Variants in STAG1 observed in about 807,000 individuals in gnomAD.
The protein encoded by STAG1 is STAG1 cohesin complex component, also known as cohesin subunit SA-1.
Under a neutral mutation model 170.9 loss-of-function variants are expected in STAG1, and 26 were observed. That is an observed-to-expected ratio of 0.15 (90% CI 0.11 to 0.21). The LOEUF is 0.21. Ranked by LOEUF, STAG1 falls within the 10% of genes least tolerant of loss-of-function variation. The pLI is 1.00. For synonymous variants in STAG1, 514 were observed against 497.7 expected (o/e 1.03, Z -0.44); for missense variants, 964 against 1,509.5 (o/e 0.64, Z 5.99).
intron 1 of STAG1, chr3:136,721,495 CTCT>C (rs1483348073): frequency 6.6e-6 from 1 of 152,146 alleles, no homozygotes; most frequent in Non-Finnish European, 1.5e-5. Context: ...AAAGTGAGCA[CTCT>C]TTTTACATTA....
At chr3:136,720,921 T>C (rs911602393) in intron 1 of STAG1, among the ~76,000 whole-genome samples, 1 of 152,246 alleles carries the variant, frequency 6.6e-6, no homozygotes, top group Non-Finnish European at 1.5e-5. Context: ...CTAGCCAATA[T>C]GCTCTGAGAT....
rs1256373532 is a variant in STAG1 at position 136,498,694 on chromosome 3, T to TA, written c.902+1528dup. ...GAATTAGACCTCCATAAAGTTGCAG[T>TA]AAAAAAAAAAAAACAAAGACTGCAT... is the stretch of plus-strand genomic sequence containing the variant. On this transcript the variant is annotated intron_variant, in intron 9 of 33. Transcript: ENST00000383202. 8.9e-3 allele frequency among the ~76,000 whole-genome samples: 1,219 copies of TA among 137,554 alleles called. 8 individuals are homozygous for TA. The highest frequency in any genetic ancestry group is 0.026 in the East Asian group (124 of 4,850). 90.2% of individuals were successfully genotyped at this position (137,554 alleles called of 152,430 possible). A position where few individuals can be genotyped will look rare whatever the true frequency, so the allele number is the denominator to read the frequency against.
chr3:136,558,289 G>A (rs905862040), intron 5 of STAG1, among the ~76,000 whole-genome samples: 1 of 152,162 alleles, frequency 6.6e-6, no homozygotes, highest in Admixed American at 6.5e-5. Context: ...CTACTAGGGG[G>A]GCTGAAACAG....
chr3:136,647,612 GA>G, intron 1 of STAG1, among the ~76,000 whole-genome samples: 1 of 151,990 alleles, frequency 6.6e-6, no homozygotes, highest in East Asian at 1.9e-4. Context: ...AAAAAATAAG[GA>G]AAAAAAGATA....
At chr3:136,369,344 A>C in intron 23 of STAG1, 62 bp from the exon 24 acceptor site, 1 of 1,340,456 alleles carries the variant, frequency 7.5e-7, no homozygotes, top group Admixed American at 2.8e-5. Flanking sequence ...AGTCAACATT[A>C]ATGAAAATGT....
intron 1 of STAG1, among the ~76,000 whole-genome samples, chr3:136,679,053 T>G (rs1942244685): frequency 6.7e-6 from 1 of 149,638 alleles, no homozygotes; most frequent in Non-Finnish European, 1.5e-5. Flanking sequence ...AACTTATGCC[T>G]GCCCAAGAAA....
chr3:136,510,406 C>T (rs959644057), intron 7 of STAG1, among the ~76,000 whole-genome samples: 1 of 152,030 alleles, frequency 6.6e-6, no homozygotes, highest in Admixed American at 6.5e-5. Flanking sequence ...TCTCGTGCCT[C>T]AGCCTCCCTA....
chr3:136,617,012 A>C (rs1402225444), intron 3 of STAG1, among the ~76,000 whole-genome samples: 1 of 152,244 alleles, frequency 6.6e-6, no homozygotes, highest in African/African-American at 2.4e-5. Context: ...CTTTCAAAAC[A>C]AACAGCATAT....
At chr3:136,533,500 C>T (rs1231447153) in intron 6 of STAG1, among the ~76,000 whole-genome samples, 1 of 152,016 alleles carries the variant, frequency 6.6e-6, no homozygotes, top group African/African-American at 2.4e-5. Context: ...GTCTGCTCGT[C>T]TTATGGTGAG....
In STAG1 at chr3:136,700,906, G is replaced by A. The variant is rs1377805586; in HGVS notation, c.-84+51289C>T. ...TTTTTTTTTTTTTTTTTTTGAGATG[G>A]AGTCTCACTCTGTCACCCAGGCTGG... On this transcript the variant is annotated intron_variant, in intron 1 of 33. Coordinates refer to ENST00000383202, the MANE Select transcript of STAG1 (RefSeq NM_005862.3). Among the ~76,000 whole-genome samples the A allele has an allele frequency of 2.5e-5, 3 of 122,312 alleles. No individual in the cohort carries two copies. The East Asian group carries it at 6.9e-4, about 28-fold the overall frequency. 80.2% of individuals were successfully genotyped at this position (122,312 alleles called of 152,430 possible).
chr3:136,418,519 T>G (rs994659623), intron 20 of STAG1, among the ~76,000 whole-genome samples: 5 of 151,776 alleles, frequency 3.3e-5, no homozygotes, highest in Non-Finnish European at 7.4e-5. Context: ...TCTATGAATT[T>G]ATTAAAGAAA....
intron 3 of STAG1, among the ~76,000 whole-genome samples, chr3:136,618,227 C>T (rs923117802): frequency 6.6e-6 from 1 of 152,170 alleles, no homozygotes; most frequent in African/African-American, 2.4e-5. Context: ...CACCAAACCA[C>T]TCACCCCGTC....
At chr3:136,425,642 T>G (rs2088096232) in intron 16 of STAG1, among the ~76,000 whole-genome samples, 1 of 151,608 alleles carries the variant, frequency 6.6e-6, no homozygotes, top group African/African-American at 2.4e-5. Context: ...TAGGCTAAAT[T>G]TAGGTCAAAT....
At chr3:136,379,589 A>G (rs1338367965) in intron 22 of STAG1, among the ~76,000 whole-genome samples, 1 of 152,080 alleles carries the variant, frequency 6.6e-6, no homozygotes, top group Non-Finnish European at 1.5e-5. Context: ...CATGCCTGTA[A>G]TCCCAGCTAC....
chr3:136,537,202 G>A (rs761313456), intron 6 of STAG1, among the ~76,000 whole-genome samples: 9 of 151,962 alleles, frequency 5.9e-5, no homozygotes, highest in Non-Finnish European at 1.2e-4. Flanking sequence ...CAAATGGAGT[G>A]GTGTATTGTA....
intron 21 of STAG1, among the ~76,000 whole-genome samples, chr3:136,404,815 T>C (rs536491364): frequency 2.6e-4 from 40 of 152,056 alleles, no homozygotes; most frequent in Non-Finnish European, 4.4e-5. Flanking sequence ...GAAAACAAAG[T>C]CTGAATTAAG....
Position 136,533,581 on chromosome 3 carries a change from G to A in STAG1, c.471+8538C>T, listed in dbSNP as rs183644736. On this transcript the variant is annotated intron_variant, in intron 6 of 33. Coordinates refer to ENST00000383202, the MANE Select transcript of STAG1 (RefSeq NM_005862.3). The stretch of plus-strand genomic sequence containing the variant: ...AGTGAATCACATGGTGAGAGAAGGA[G>A]CAAGGGGGCAGGGATGCCATACTTT... 2.4e-3 allele frequency among the ~76,000 whole-genome samples: 368 copies of A among 152,256 alleles called. 2 individuals carry two copies. Among genetic ancestry groups the A allele is most frequent in the African/African-American group, 8.3e-3 (343 of 41,554 alleles).
At chr3:136,719,971 G>A (rs896618502) in intron 1 of STAG1, among the ~76,000 whole-genome samples, 1 of 152,050 alleles carries the variant, frequency 6.6e-6, no homozygotes, top group Non-Finnish European at 1.5e-5. Flanking sequence ...GAGGCCAGGA[G>A]TTCGAGACCA....
intron 24 of STAG1, 123 bp downstream of exon 24, chr3:136,368,985 C>T: frequency 2.1e-6 from 2 of 940,848 alleles, no homozygotes; most frequent in South Asian, 5.2e-5. Flanking sequence ...GCCACTGCAC[C>T]TGGCCAACTT....
Sources: gnomAD v4.1 joint callset for allele counts (sites outside exome capture counted in the v4.1 genomes callset) on GRCh38, gnomAD v4.1.1 for gene constraint, MANE v1.5 for transcripts, NCBI Gene and HGNC (gene_info 2026-07-23, HGNC 2026-07-21) for gene names.